Variants in HS1BP3 observed in about 807,000 individuals in gnomAD.
The protein encoded by HS1BP3 is HCLS1 binding protein 3, also known as HCLS1-binding protein 3.
A neutral mutation model predicts 33.5 loss-of-function variants in HS1BP3; 32 were observed. The observed-to-expected ratio is 0.95, with a 90% CI of 0.72 to 1.28. HS1BP3 has a LOEUF of 1.28. Among genes scored for constraint, HS1BP3 ranks in the 50% most tolerant of loss-of-function variants. HS1BP3 has a pLI of 0.00. For synonymous variants in HS1BP3, 187 were observed against 209.2 expected, an observed-to-expected ratio of 0.89 and a Z score of 0.92; for missense variants, 486 against 502.3, an observed-to-expected ratio of 0.97 and a Z score of 0.31.
chr2:20,610,201 T>C (rs550111035), intron 2 of HS1BP3, among the ~76,000 whole-genome samples: 1 of 152,324 alleles, frequency 6.6e-6, no homozygotes, highest in South Asian at 2.1e-4. Flanking sequence ...TGAACCTACA[T>C]GGACACATGG....
rs575998288 is a variant in HS1BP3 at position 20,585,787 on chromosome 2, C to T, written c.303-25272G>A. 5.3e-5 allele frequency among the ~76,000 whole-genome samples: 8 copies of T among 152,358 alleles called. No homozygotes were observed. The East Asian group carries it at 1.2e-3, about 22-fold the overall frequency. On this transcript the variant is annotated intron_variant, in intron 5 of 5. Transcript: ENST00000446825. Reference sequence around the variant, plus strand: ...AAGTGACAGCGTGCACAATACCGTTCGCTTGCAACAGCAGCCCCGTCATGG... The same window carrying T: ...AAGTGACAGCGTGCACAATACCGTTTGCTTGCAACAGCAGCCCCGTCATGG...
In HS1BP3 at chr2:20,621,835, AGGCT is replaced by A. The variant is rs71999273; in HGVS notation, c.920+2057_920+2060del. 3.5e-3 allele frequency among the ~76,000 whole-genome samples: 539 copies of A among 152,346 alleles called. 24 individuals carry two copies. In the East Asian group the frequency reaches 0.092, roughly 26 times the overall value. On this transcript the variant is annotated intron_variant, in intron 6 of 6. Coordinates refer to ENST00000304031, the MANE Select transcript of HS1BP3 (RefSeq NM_022460.4). ...AGCATAGCTGCTCTTGGGACACAGG[AGGCT>A]GCAAGGCACCCCTTTTCCAAGCACC...
In HS1BP3 at chr2:20,621,422, G is replaced by A. The variant is rs370825856; in HGVS notation, c.921-2177C>T. Among the ~76,000 whole-genome samples, 5 of 152,262 alleles carry A rather than the reference G, an allele frequency of 3.3e-5. No individual in the cohort carries two copies. The East Asian group carries it at 9.6e-4, about 29-fold the overall frequency. On this transcript the variant is annotated intron_variant, in intron 6 of 6. Transcript: ENST00000304031. ...AACAAACCCAGAGGGACTGGCCCAA[G>A]CCGGGCCTTCATAGACAGACCAGCT...
intron 3 of HS1BP3, among the ~76,000 whole-genome samples, chr2:20,638,869 GCCC>G (rs937795208): frequency 6.6e-6 from 1 of 152,242 alleles, no homozygotes. Context: ...GCCTGCTGCA[GCCC>G]CCCAAGGGCT....
At chr2:20,558,606 G>A (rs926015736), downstream of HS1BP3, among the ~76,000 whole-genome samples, 3 of 152,212 alleles carry the variant, frequency 2.0e-5, no homozygotes, top group Non-Finnish European at 2.9e-5. Flanking sequence ...GTGGGATGGA[G>A]AACTGTGAAT....
intron 2 of HS1BP3, among the ~76,000 whole-genome samples, chr2:20,601,415 A>G (rs1694065748): frequency 6.6e-6 from 1 of 152,152 alleles, no homozygotes; most frequent in Admixed American, 6.5e-5. Context: ...AAACTAAGAG[A>G]ACGCAGATCT....
chr2:20,600,418 G>A (rs1343306727), intron 2 of HS1BP3, among the ~76,000 whole-genome samples: 1 of 152,178 alleles, frequency 6.6e-6, no homozygotes, highest in Non-Finnish European at 1.5e-5. Context: ...AGCAGGAGAT[G>A]TATCATGCTT....
chr2:20,577,071 G>C (rs550453082), intron 5 of HS1BP3, among the ~76,000 whole-genome samples: 1 of 152,312 alleles, frequency 6.6e-6, no homozygotes, highest in South Asian at 2.1e-4. Context: ...GGGAATTGCC[G>C]TTTGAGTTGG....
downstream of HS1BP3, chr2:20,591,324 C>T (rs563255793): frequency 2.6e-3 from 434 of 166,658 alleles, 4 homozygotes; most frequent in Non-Finnish European, 3.2e-4. Flanking sequence ...CTGCACACTC[C>T]AAGGCCTCGC....
At chr2:20,644,919 C>T (rs1695469137) in intron 2 of HS1BP3, among the ~76,000 whole-genome samples, 1 of 152,170 alleles carries the variant, frequency 6.6e-6, no homozygotes, top group East Asian at 1.9e-4. Context: ...AGAGTTCCCA[C>T]TCAATGTCCT....
At chr2:20,620,392 T>C (rs1399644299) in intron 6 of HS1BP3, among the ~76,000 whole-genome samples, 1 of 152,188 alleles carries the variant, frequency 6.6e-6, no homozygotes, top group Non-Finnish European at 1.5e-5. Context: ...TAGACTCCAG[T>C]GTCACGGCGA....
At chr2:20,617,240 C>T (rs1694447951), downstream of HS1BP3, among the ~76,000 whole-genome samples, 1 of 152,206 alleles carries the variant, frequency 6.6e-6, no homozygotes. Flanking sequence ...CCCACTCCTA[C>T]TGAGACCTTC....
At chr2:20,570,598 C>T (rs75493872) in intron 5 of HS1BP3, among the ~76,000 whole-genome samples, 5,449 of 152,304 alleles carry the variant, frequency 0.036, 140 homozygotes, top group South Asian at 0.1. Context: ...GTCTAATTGC[C>T]TTATGATAAT....
chr2:20,578,503 T>A (rs1201085826), intron 5 of HS1BP3, among the ~76,000 whole-genome samples: 1 of 152,150 alleles, frequency 6.6e-6, no homozygotes, highest in East Asian at 1.9e-4. Flanking sequence ...GCCCGGAGGC[T>A]CTCGCAGGCA....
chr2:20,649,400 C>T (rs898277243), intron 1 of HS1BP3, among the ~76,000 whole-genome samples: 1 of 152,238 alleles, frequency 6.6e-6, no homozygotes, highest in Non-Finnish European at 1.5e-5. Flanking sequence ...CAGAAAGATG[C>T]CTCTTTACCA....
At chr2:20,625,220 T>G (rs1374351464) in intron 4 of HS1BP3, among the ~76,000 whole-genome samples, 1 of 152,262 alleles carries the variant, frequency 6.6e-6, no homozygotes, top group Non-Finnish European at 1.5e-5. Context: ...CCCCCGCTAC[T>G]GTGGGCAGCT....
At chr2:20,582,040 A>T (rs1572301985) in intron 5 of HS1BP3, among the ~76,000 whole-genome samples, 1 of 151,992 alleles carries the variant, frequency 6.6e-6, no homozygotes, top group Admixed American at 6.5e-5. Flanking sequence ...GTTTTTATTA[A>T]CTGAAAGTCA....
At chr2:20,645,209 C>A in intron 2 of HS1BP3, 131 bp downstream of exon 2, 3 of 882,070 alleles carry the variant, frequency 3.4e-6, no homozygotes, top group Non-Finnish European at 5.2e-6. Context: ...GTCTGGTACT[C>A]CAGGCCCTGA....
downstream of HS1BP3, among the ~76,000 whole-genome samples, chr2:20,591,896 G>T (rs915635422): frequency 6.6e-6 from 1 of 152,108 alleles, no homozygotes. Context: ...TCTGAGCAGC[G>T]AACACCCCAG....
Sources: gnomAD v4.1 joint callset for allele counts (sites outside exome capture counted in the v4.1 genomes callset) on GRCh38, gnomAD v4.1.1 for gene constraint, MANE v1.5 for transcripts, NCBI Gene and HGNC (gene_info 2026-07-23, HGNC 2026-07-21) for gene names.